The following CEP63 variants were observed in gnomAD, a reference collection of about 807,000 sequenced individuals.
The protein encoded by CEP63 is centrosomal protein of 63 kDa.
CEP63 carries 84 observed loss-of-function variants against 89.1 expected under a neutral mutation model. The ratio of observed to expected loss-of-function variants is 0.94; its 90% CI spans 0.79 to 1.13. The LOEUF is 1.13. CEP63 is among the 50% of genes most tolerant of loss of function. CEP63 has a pLI of 0.00. For missense variants in CEP63, 838 were observed against 813.3 expected, an observed-to-expected ratio of 1.03 and a Z score of -0.37; for synonymous variants, 267 against 272.5, an observed-to-expected ratio of 0.98 and a Z score of 0.20.
In CEP63 at chr3:134,538,198, G is replaced by GTTTT. The variant is rs66539157; in HGVS notation, c.555+947_555+950dup. On this transcript the variant is annotated intron_variant, in intron 6 of 14. Transcript: ENST00000675561. ...TAAGTTGAAATAGCTAGAAGGGAGG[G>GTTTT]TTTTTTTTTTTTTTTTTTTTGGCTT... 2.3e-4 allele frequency among the ~76,000 whole-genome samples: 26 copies of GTTTT among 112,596 alleles called. No individual in the cohort carries two copies. The South Asian group carries it at 4.4e-3, about 19-fold the overall frequency. 73.9% of individuals were successfully genotyped at this position (112,596 alleles called of 152,430 possible).
chr3:134,580,968 C>T (rs992182520), intron 10 of CEP63, among the ~76,000 whole-genome samples: 1 of 137,604 alleles, frequency 7.3e-6, no homozygotes. Flanking sequence ...CACAGGGACC[C>T]AAGTGTGGAA....
chr3:134,499,009 G>T (rs1302533976), intron 2 of CEP63, among the ~76,000 whole-genome samples: 1 of 152,116 alleles, frequency 6.6e-6, no homozygotes, highest in Non-Finnish European at 1.5e-5. Flanking sequence ...TTCTTTTGTT[G>T]TGTCCTTGTC....
intron 9 of CEP63, among the ~76,000 whole-genome samples, chr3:134,548,539 G>A (rs1467182950): frequency 6.6e-6 from 1 of 152,076 alleles, no homozygotes; most frequent in African/African-American, 2.4e-5. Context: ...ATGATCATTT[G>A]TACACTGACA....
chr3:134,583,908 T>C (rs1958422029), intron 10 of CEP63, among the ~76,000 whole-genome samples: 1 of 152,156 alleles, frequency 6.6e-6, no homozygotes, highest in Non-Finnish European at 1.5e-5. Flanking sequence ...CCCTTGTAAG[T>C]TGGATTCCTA....
At chr3:134,714,069 G>A in the CEP63 span, among the ~76,000 whole-genome samples, 1 of 152,208 alleles carries the variant, frequency 6.6e-6, no homozygotes, top group East Asian at 1.9e-4. Context: ...ATGGCAGCGG[G>A]GAGAGGGCTT....
the CEP63 span, among the ~76,000 whole-genome samples, chr3:134,740,277 T>C: frequency 1.4e-5 from 2 of 145,806 alleles, no homozygotes; most frequent in African/African-American, 5.2e-5. Context: ...TTTATTTATT[T>C]ATTTATTTAT....
intron 1 of CEP63, among the ~76,000 whole-genome samples, chr3:134,489,158 CAAAAAAA>C (rs765548189): frequency 6.6e-5 from 4 of 60,722 alleles, no homozygotes; most frequent in African/African-American, 2.1e-4. Context: ...GAGACTGTCT[CAAAAAAA>C]AAAAAAAAAA....
the CEP63 span, chr3:134,608,288 G>C: frequency 8.2e-7 from 1 of 1,217,860 alleles, no homozygotes; most frequent in South Asian, 1.5e-5. Context: ...TGTGAACTGA[G>C]AGAGACTCAC....
At chr3:134,612,787 G>GTGTGTGTGTGTT in the CEP63 span, among the ~76,000 whole-genome samples, 1 of 151,458 alleles carries the variant, frequency 6.6e-6, no homozygotes, top group Non-Finnish European at 1.5e-5. Flanking sequence ...GTGTGTGTGT[G>GTGTGTGTGTGTT]TGTGTGTGTT....
downstream of CEP63, among the ~76,000 whole-genome samples, chr3:134,592,502 G>GTA (rs1958618486): frequency 6.6e-6 from 1 of 151,206 alleles, no homozygotes; most frequent in Non-Finnish European, 1.5e-5. Flanking sequence ...GTGTGTGTGT[G>GTA]TGTGTGTGTG....
the CEP63 span, among the ~76,000 whole-genome samples, chr3:134,693,935 C>T: frequency 6.6e-6 from 1 of 152,226 alleles, no homozygotes; most frequent in Non-Finnish European, 1.5e-5. Context: ...TCACTCTTCA[C>T]GTTCTGGGCT....
chr3:134,513,508 A>G (rs11928499), intron 3 of CEP63, among the ~76,000 whole-genome samples: 47,862 of 152,050 alleles, frequency 0.31, 7,782 homozygotes, highest in African/African-American at 0.35. Context: ...GTAAAATGCT[A>G]TCAGGATGGT....
chr3:134,651,923 T>C, the CEP63 span, among the ~76,000 whole-genome samples: 2 of 152,200 alleles, frequency 1.3e-5, no homozygotes, highest in African/African-American at 4.8e-5. Flanking sequence ...GGGCCCACCC[T>C]GCTGGGGGCG....
downstream of CEP63, among the ~76,000 whole-genome samples, chr3:134,576,746 G>A (rs185845628): frequency 1.3e-5 from 2 of 152,338 alleles, no homozygotes; most frequent in African/African-American, 4.8e-5. Flanking sequence ...GAGGGCAGCT[G>A]TAGGAAGGCA....
At chr3:134,597,080 G>C in the CEP63 span, among the ~76,000 whole-genome samples, 1 of 152,172 alleles carries the variant, frequency 6.6e-6, no homozygotes, top group Non-Finnish European at 1.5e-5. Context: ...AGTGATGGGA[G>C]ACAAAGTGGA....
the CEP63 span, among the ~76,000 whole-genome samples, chr3:134,665,240 G>A: frequency 6.6e-6 from 1 of 152,356 alleles, no homozygotes; most frequent in African/African-American, 2.4e-5. Flanking sequence ...AAAGGTCAGG[G>A]CTGGCCTGGT....
At chr3:134,553,303 A>G (rs528981304) in intron 12 of CEP63, 2 of 152,318 alleles carry the variant, frequency 1.3e-5, no homozygotes, top group Non-Finnish European at 2.9e-5. Flanking sequence ...TCAGAAGGGT[A>G]AGATTCTCCA....
the CEP63 span, among the ~76,000 whole-genome samples, chr3:134,690,434 A>G: frequency 6.6e-5 from 10 of 152,188 alleles, no homozygotes; most frequent in Non-Finnish European, 1.0e-4. Flanking sequence ...TCCACAAACC[A>G]CTTTCTAAGC....
At chr3:134,633,216 G>A in the CEP63 span, among the ~76,000 whole-genome samples, 11 of 151,954 alleles carry the variant, frequency 7.2e-5, no homozygotes, top group East Asian at 3.8e-4. Context: ...AGGATCTTTC[G>A]TAAAACAGAA....
Sources: allele counts gnomAD v4.1 joint callset (sites outside exome capture counted in the v4.1 genomes callset), GRCh38; gene constraint gnomAD v4.1.1; transcripts MANE v1.5; gene names NCBI Gene and HGNC (gene_info 2026-07-23, HGNC 2026-07-21).